CDKL4: variants seen among roughly 807,000 people sequenced by gnomAD.
The protein encoded by CDKL4 is cyclin dependent kinase like 4.
A neutral mutation model predicts 42.0 loss-of-function variants in CDKL4; 44 were observed. The observed-to-expected ratio is 1.05, with a 90% CI of 0.82 to 1.35. The LOEUF (loss-of-function observed/expected upper bound fraction) is 1.35. Among genes scored for constraint, CDKL4 ranks in the 40% most tolerant of loss-of-function variants. CDKL4 has a pLI of 0.00. For synonymous variants in CDKL4, 120 were observed against 121.6 expected, an observed-to-expected ratio of 0.99 and a Z score of 0.09; for missense variants, 393 against 369.9, an observed-to-expected ratio of 1.06 and a Z score of -0.51.
At chr2:39,177,649 C>T (rs981743843) in intron 9 of CDKL4, among the ~76,000 whole-genome samples, 7 of 149,742 alleles carry the variant, frequency 4.7e-5, no homozygotes, top group Non-Finnish European at 8.9e-5. Context: ...GTGATCCACC[C>T]GCCTCGGCCT....
intron 9 of CDKL4, chr2:39,178,807 G>GGA (rs1453726865): frequency 1.3e-6 from 2 of 1,553,112 alleles, no homozygotes; most frequent in Admixed American, 4.0e-5. Context: ...TTGCACATCT[G>GGA]GAGGCTACAG....
chr2:39,230,714 T>C (rs1489600636), intron 1 of CDKL4, among the ~76,000 whole-genome samples: 1 of 152,174 alleles, frequency 6.6e-6, no homozygotes, highest in East Asian at 1.9e-4. Flanking sequence ...ACAATTACAA[T>C]AATAATGGCA....
chr2:39,213,441 A>G (rs1677708184), exon 4 of CDKL4: 1 of 1,611,760 alleles, frequency 6.2e-7, no homozygotes, highest in Non-Finnish European at 8.5e-7. Context: ...AGTGTTTGCC[A>G]TAATACGCTT....
intron 3 of CDKL4, among the ~76,000 whole-genome samples, chr2:39,223,566 T>C (rs1226016586): frequency 6.7e-6 from 1 of 148,332 alleles, no homozygotes; most frequent in African/African-American, 2.5e-5. Flanking sequence ...TTAGATGTAC[T>C]GGTCATTTCC....
intron 1 of CDKL4, among the ~76,000 whole-genome samples, chr2:39,243,407 A>G (rs530797993): frequency 1.3e-5 from 2 of 152,218 alleles, no homozygotes; most frequent in Non-Finnish European, 2.9e-5. Flanking sequence ...GACTAATTAA[A>G]AGCATCCCCA....
At chr2:39,235,292 G>T (rs1679310783) in intron 1 of CDKL4, among the ~76,000 whole-genome samples, 2 of 152,048 alleles carry the variant, frequency 1.3e-5, no homozygotes, top group African/African-American at 4.8e-5. Context: ...TCAGCAAAAG[G>T]ATTTATGGTG....
downstream of CDKL4, among the ~76,000 whole-genome samples, chr2:39,173,194 A>C (rs1397481078): frequency 5.3e-5 from 8 of 152,216 alleles, no homozygotes; most frequent in African/African-American, 1.2e-4. Context: ...ATATGCATAA[A>C]TATATTATCT....
intron 6 of CDKL4, among the ~76,000 whole-genome samples, chr2:39,189,401 G>C (rs934682180): frequency 6.6e-6 from 1 of 152,126 alleles, no homozygotes; most frequent in Non-Finnish European, 1.5e-5. Flanking sequence ...CTGTTTCCTC[G>C]TTTATAACAT....
At chr2:39,236,806 C>G (rs1679400689) in intron 1 of CDKL4, among the ~76,000 whole-genome samples, 1 of 152,090 alleles carries the variant, frequency 6.6e-6, no homozygotes, top group African/African-American at 2.4e-5. Context: ...GGACAAGTGC[C>G]TAGAAAGATA....
intron 4 of CDKL4, among the ~76,000 whole-genome samples, chr2:39,210,201 G>A (rs2148347387): frequency 6.6e-6 from 1 of 152,240 alleles, no homozygotes; most frequent in African/African-American, 2.4e-5. Context: ...ATGTTGGCCA[G>A]GCTGGTCTTG....
chr2:39,213,273 CTT>C, intron 4 of CDKL4, 125 bp downstream of exon 4: 1 of 605,952 alleles, frequency 1.7e-6, no homozygotes, highest in Non-Finnish European at 2.9e-6. Context: ...GCTGAACTTC[CTT>C]TTGTTTTGCT....
chr2:39,230,608 T>G (rs1237563425), intron 1 of CDKL4, among the ~76,000 whole-genome samples: 1 of 152,184 alleles, frequency 6.6e-6, no homozygotes, highest in Admixed American at 6.5e-5. Context: ...CATATTTAAA[T>G]AAATCAGTCT....
chr2:39,208,172 A>T (rs13423263), intron 4 of CDKL4, among the ~76,000 whole-genome samples: 2 of 152,052 alleles, frequency 1.3e-5, no homozygotes, highest in Non-Finnish European at 2.9e-5. Context: ...GAAACAGGGC[A>T]TGGGGGGAAG....
At chr2:39,178,699 T>G (rs186833055) in intron 9 of CDKL4, 708 of 1,609,472 alleles carry the variant, frequency 4.4e-4, no homozygotes, top group Admixed American at 6.2e-4. Context: ...GTTTCATTCC[T>G]TTGTACCTGG....
At chr2:39,207,335 A>C (rs1408071335) in intron 4 of CDKL4, among the ~76,000 whole-genome samples, 1 of 152,158 alleles carries the variant, frequency 6.6e-6, no homozygotes. Context: ...CAGTGAGCCA[A>C]GATGGCACCA....
chr2:39,172,725 G>C (rs1020901818), downstream of CDKL4, among the ~76,000 whole-genome samples: 2 of 152,092 alleles, frequency 1.3e-5, no homozygotes, highest in Non-Finnish European at 2.9e-5. Context: ...GGGATTACAG[G>C]CGCCCACCAT....
At chr2:39,172,281 C>T (rs1448408303), downstream of CDKL4, among the ~76,000 whole-genome samples, 1 of 150,618 alleles carries the variant, frequency 6.6e-6, no homozygotes, top group African/African-American at 2.5e-5. Context: ...CATTGCATTC[C>T]AGCCTGGGCA....
At chr2:39,177,443 C>T (rs867935117) in intron 9 of CDKL4, among the ~76,000 whole-genome samples, 10 of 143,870 alleles carry the variant, frequency 7.0e-5, no homozygotes, top group African/African-American at 2.6e-4. Flanking sequence ...TTGCTCTTGT[C>T]GCCCAGGCTG....
chr2:39,215,729 G>A (rs149149862), intron 3 of CDKL4, among the ~76,000 whole-genome samples: 3 of 152,290 alleles, frequency 2.0e-5, no homozygotes, highest in Non-Finnish European at 4.4e-5. Flanking sequence ...TGAAGTATAT[G>A]CAGAGAAACA....
Sources: allele counts gnomAD v4.1 joint callset (sites outside exome capture counted in the v4.1 genomes callset), GRCh38; gene constraint gnomAD v4.1.1; transcripts MANE v1.5; gene names NCBI Gene and HGNC (gene_info 2026-07-23, HGNC 2026-07-21).